The following FHIT variants were observed in gnomAD, a reference collection of about 807,000 sequenced individuals.
FHIT encodes the protein fragile histidine triad diadenosine triphosphatase, also known as bis(5'-adenosyl)-triphosphatase.
A neutral mutation model predicts 17.9 loss-of-function variants in FHIT; 19 were observed. The ratio of observed to expected loss-of-function variants is 1.06; its 90% CI spans 0.74 to 1.56. The LOEUF (loss-of-function observed/expected upper bound fraction) is 1.56. Among genes scored for constraint, FHIT ranks in the 40% most tolerant of loss-of-function variants. The pLI, the probability that FHIT is intolerant of heterozygous loss-of-function variation, is 0.00. For synonymous variants in FHIT, 81 were observed against 69.7 expected, an observed-to-expected ratio of 1.16 and a Z score of -0.81; for missense variants, 248 against 189.2, an observed-to-expected ratio of 1.31 and a Z score of -1.82.
At chr3:60,596,480 T>C (rs1215730598) in intron 4 of FHIT, among the ~76,000 whole-genome samples, 1 of 152,172 alleles carries the variant, frequency 6.6e-6, no homozygotes. Context: ...AATGGAAACA[T>C]GACCTAATCT....
chr3:59,874,765 G>A (rs1703077430), intron 8 of FHIT, among the ~76,000 whole-genome samples: 1 of 152,012 alleles, frequency 6.6e-6, no homozygotes, highest in Non-Finnish European at 1.5e-5. Context: ...GATGCAGCAA[G>A]AACCAGACAG....
At chr3:60,053,336 T>C (rs949603132) in intron 5 of FHIT, among the ~76,000 whole-genome samples, 1 of 150,378 alleles carries the variant, frequency 6.6e-6, no homozygotes, top group African/African-American at 2.5e-5. Flanking sequence ...CACCATTATG[T>C]CAGAGACTTC....
intron 1 of FHIT, among the ~76,000 whole-genome samples, chr3:61,213,904 C>G (rs1298747309): frequency 6.6e-6 from 1 of 152,204 alleles, no homozygotes; most frequent in Non-Finnish European, 1.5e-5. Flanking sequence ...TCCTGAATGA[C>G]TACTGGGTAC....
chr3:60,375,830 C>A (rs1432184545), intron 5 of FHIT, among the ~76,000 whole-genome samples: 3 of 152,090 alleles, frequency 2.0e-5, no homozygotes, highest in Non-Finnish European at 2.9e-5. Context: ...AGATGCAATG[C>A]TGTCAAACAG....
chr3:60,888,623 T>C (rs1043779828), intron 3 of FHIT, among the ~76,000 whole-genome samples: 3 of 152,238 alleles, frequency 2.0e-5, no homozygotes, highest in Non-Finnish European at 4.4e-5. Flanking sequence ...GATATTCATA[T>C]AAATGAAAAG....
intron 4 of FHIT, among the ~76,000 whole-genome samples, chr3:60,666,682 T>G (rs1360759990): frequency 1.3e-5 from 2 of 152,140 alleles, no homozygotes; most frequent in Admixed American, 6.5e-5. Context: ...TTTATTTGTT[T>G]GTTTGAGACA....
At chr3:60,485,236 G>C (rs760147377) in intron 5 of FHIT, among the ~76,000 whole-genome samples, 3 of 152,134 alleles carry the variant, frequency 2.0e-5, no homozygotes, top group Admixed American at 6.5e-5. Context: ...TCTGTGGGAA[G>C]ACAGTATAGT....
chr3:60,286,773 T>C (rs1053538121), intron 5 of FHIT, among the ~76,000 whole-genome samples: 1 of 152,188 alleles, frequency 6.6e-6, no homozygotes, highest in African/African-American at 2.4e-5. Context: ...TCAGTTTTCT[T>C]TCATTTTAAT....
chr3:60,515,286 C>G (rs946044582), intron 5 of FHIT, among the ~76,000 whole-genome samples: 1 of 152,102 alleles, frequency 6.6e-6, no homozygotes, highest in Non-Finnish European at 1.5e-5. Flanking sequence ...GAGATCCTGC[C>G]CCTGTCCCTG....
intron 5 of FHIT, among the ~76,000 whole-genome samples, chr3:60,176,723 G>C (rs1431222644): frequency 6.6e-6 from 1 of 152,186 alleles, no homozygotes; most frequent in Non-Finnish European, 1.5e-5. Flanking sequence ...TTACAAAGCT[G>C]AGTATTGGCA....
intron 4 of FHIT, among the ~76,000 whole-genome samples, chr3:60,758,766 A>C (rs1699535560): frequency 6.6e-6 from 1 of 152,186 alleles, no homozygotes; most frequent in Non-Finnish European, 1.5e-5. Context: ...GCAGAGACCA[A>C]AACAAAATGC....
At chr3:60,440,177 C>A (rs1314847768) in intron 5 of FHIT, among the ~76,000 whole-genome samples, 2 of 152,098 alleles carry the variant, frequency 1.3e-5, no homozygotes, top group Non-Finnish European at 2.9e-5. Context: ...ATTTCAGGAA[C>A]AACTTGCTGC....
intron 5 of FHIT, among the ~76,000 whole-genome samples, chr3:60,518,723 T>A (rs1337948519): frequency 1.3e-5 from 2 of 152,216 alleles, no homozygotes; most frequent in Non-Finnish European, 2.9e-5. Context: ...TTCATTTATA[T>A]GCAGGCTGGG....
intron 5 of FHIT, among the ~76,000 whole-genome samples, chr3:60,355,584 A>C (rs904036075): frequency 6.6e-6 from 1 of 152,232 alleles, no homozygotes; most frequent in African/African-American, 2.4e-5. Flanking sequence ...GCTATTAAAA[A>C]AACTAAATTT....
chr3:60,663,009 C>T (rs1489351473), intron 4 of FHIT, among the ~76,000 whole-genome samples: 1 of 151,168 alleles, frequency 6.6e-6, no homozygotes, highest in Non-Finnish European at 1.5e-5. Context: ...CATTAAGTTG[C>T]TTTTGCATCT....
intron 8 of FHIT, among the ~76,000 whole-genome samples, chr3:59,871,043 T>G (rs1386342185): frequency 6.6e-6 from 1 of 152,148 alleles, no homozygotes; most frequent in Non-Finnish European, 1.5e-5. Flanking sequence ...AATTATATAC[T>G]TGGATGTCAT....
chr3:60,195,561 T>TATATATATA (rs61215575), intron 5 of FHIT, among the ~76,000 whole-genome samples: 3 of 21,192 alleles, frequency 1.4e-4, no homozygotes, highest in Admixed American at 4.6e-4. Flanking sequence ...ATATATATAT[T>TATATATATA]TATATTTATA....
chr3:60,881,720 G>T (rs1336720447), intron 3 of FHIT, among the ~76,000 whole-genome samples: 2 of 151,910 alleles, frequency 1.3e-5, no homozygotes, highest in Non-Finnish European at 2.9e-5. Flanking sequence ...TTATGAAAAT[G>T]GAAGCACAAC....
chr3:60,184,084 C>T (rs971655123), intron 5 of FHIT, among the ~76,000 whole-genome samples: 2 of 151,612 alleles, frequency 1.3e-5, no homozygotes, highest in East Asian at 1.9e-4. Context: ...AACTCCTGGG[C>T]TCAAGTGATT....
Sources: gnomAD v4.1 joint callset for allele counts (sites outside exome capture counted in the v4.1 genomes callset) on GRCh38, gnomAD v4.1.1 for gene constraint, MANE v1.5 for transcripts, NCBI Gene and HGNC (gene_info 2026-07-23, HGNC 2026-07-21) for gene names.